Variants in SH3BP1 observed in about 807,000 individuals in gnomAD.
The protein encoded by SH3BP1 is SH3 domain binding protein 1, also known as SH3 domain-binding protein 1.
Under a neutral mutation model 69.8 loss-of-function variants are expected in SH3BP1, and 46 were observed. The observed-to-expected ratio is 0.66, with a 90% confidence interval of 0.52 to 0.84. The LOEUF is 0.84. SH3BP1 is among the 40% of genes least tolerant of loss of function. The pLI, the probability that SH3BP1 is intolerant of heterozygous loss-of-function variation, is 0.00. For missense variants in SH3BP1, 868 were observed against 930.9 expected (o/e 0.93, Z 0.88); for synonymous variants, 403 against 378.0 (o/e 1.07, Z -0.77).
intron 12 of SH3BP1, 29 bp downstream of exon 12, chr22:37,647,377 G>GGGA (rs761033919): frequency 1.1e-4 from 172 of 1,612,568 alleles, no homozygotes; most frequent in Non-Finnish European, 1.4e-4. Context: ...GGAGGGGATG[G>GGGA]GGAGGAGGAG....
Position 37,645,940 on chromosome 22 carries a change from G to A in SH3BP1, c.924+430G>A, listed in dbSNP as rs535123757. ...CTGCTCAGCAATCCTGCTGTGCTGG[G>A]GCCTCCTTTCTCCCTTACACTTTTT... On this transcript the variant is annotated intron_variant, in intron 10 of 17. Transcript: ENST00000649765. 4.0e-5 allele frequency among the ~76,000 whole-genome samples: 6 copies of A among 151,644 alleles called. No individual in the cohort carries two copies. In the South Asian group the frequency reaches 8.3e-4, roughly 21 times the overall value.
Position 37,655,784 on chromosome 22 carries a change from G to T in SH3BP1, c.*100G>T. On this transcript the variant is annotated 3_prime_UTR_variant, in exon 18 of 18. Transcript: ENST00000649765. ...CCCCACAAAGGGGCATGGGCCTCCA[G>T]CCTTTGCCCACAAGTGCCTCAGTGC... 7.6e-6 allele frequency: 11 copies of T among 1,448,372 alleles called. No individual in the cohort carries two copies. Among genetic ancestry groups the T allele is most frequent in the Non-Finnish European group, 9.0e-6 (10 of 1,106,516 alleles). 89.7% of individuals were successfully genotyped at this position (1,448,372 alleles called of 1,614,324 possible).
chr22:37,654,677 C>G (rs1456923444), intron 17 of SH3BP1, among the ~76,000 whole-genome samples: 1 of 152,100 alleles, frequency 6.6e-6, no homozygotes, highest in Non-Finnish European at 1.5e-5. Context: ...ACTCACCTGT[C>G]AGTTTGGCCC....
intron 2 of SH3BP1, 77 bp downstream of exon 2, chr22:37,641,245 C>T: frequency 6.6e-7 from 1 of 1,520,978 alleles, no homozygotes; most frequent in South Asian, 1.2e-5. Context: ...GGCGGGGACG[C>T]CAGGTAGGGG....
intron 16 of SH3BP1, among the ~76,000 whole-genome samples, chr22:37,652,325 A>T (rs1478933262): frequency 1.3e-5 from 2 of 151,796 alleles, no homozygotes; most frequent in Non-Finnish European, 2.9e-5. Context: ...AAAAAAAAAA[A>T]AGATCACTTG....
chr22:37,642,662 G>T, intron 4 of SH3BP1, 47 bp downstream of exon 4: 1 of 1,612,376 alleles, frequency 6.2e-7, no homozygotes, highest in South Asian at 1.1e-5. Context: ...ACCAAGACGT[G>T]ATCTCAGCTG....
In SH3BP1 at chr22:37,655,937, G is replaced by C. The variant is rs746284026; in HGVS notation, c.*253G>C. On this transcript the variant is annotated 3_prime_UTR_variant, in exon 18 of 18. Coordinates refer to ENST00000649765, the MANE Select transcript of SH3BP1 (RefSeq NM_018957.6). The stretch of plus-strand genomic sequence containing the variant: ...CCACTCTCCGGCAGGTCCTAGGGGA[G>C]CCACCGGAAGGAAGGAGAGGTTTGC... 1 of 1,565,630 alleles carries C rather than the reference G, an allele frequency of 6.4e-7. No homozygotes were observed. Among genetic ancestry groups the C allele is most frequent in the South Asian group, 1.1e-5 (1 of 89,168 alleles).
At chr22:37,646,973 G>A (rs1932796466) in intron 11 of SH3BP1, 44 bp downstream of exon 11, 1 of 1,324,358 alleles carries the variant, frequency 7.6e-7, no homozygotes, top group Non-Finnish European at 1.0e-6. Context: ...GGGGGGGAGG[G>A]GGTGCAGTGG....
chr22:37,641,172 C>T lies in SH3BP1; in HGVS notation c.102+4C>T, dbSNP rs979495019. On this transcript the variant is annotated splice_donor_region_variant and intron_variant, in intron 2 of 17. Coordinates refer to ENST00000649765, the MANE Select transcript of SH3BP1 (RefSeq NM_018957.6). ...CCTGGGTGAGGACCTGCTGCAGGTA[C>T]GTGCCTGGGCCGGGCAGGTGGGAAG... The T allele has an allele frequency of 1.4e-5, 22 of 1,542,488 alleles. No individual in the cohort carries two copies. The highest frequency in any genetic ancestry group is 4.2e-5 in the African/African-American group (3 of 71,930).
At chr22:37,648,702 T>A in intron 14 of SH3BP1, 1 of 150,152 alleles carries the variant, frequency 6.7e-6, no homozygotes, top group Non-Finnish European at 1.2e-5. Context: ...ATCGGGTTCT[T>A]TTTTTTTTTT....
In SH3BP1 at chr22:37,655,203, C is replaced by A. The variant is rs573712012; in HGVS notation, c.1694-69C>A. The A allele has an allele frequency of 1.8e-4, 211 of 1,182,156 alleles. No individual in the cohort carries two copies. The African/African-American group carries it at 2.7e-3, about 15-fold the overall frequency. 73.2% of individuals were successfully genotyped at this position (1,182,156 alleles called of 1,614,324 possible). A position where few individuals can be genotyped will look rare whatever the true frequency, so the allele number is the denominator to read the frequency against. On this transcript the variant is annotated intron_variant, in intron 17 of 17. Transcript: ENST00000649765. ...CAGATGCAAAGGTTGTGAGGGGGCA[C>A]GGAGCTTGGTGGATTCACCACAGGC...
chr22:37,653,155 C>A (rs1188269776), intron 16 of SH3BP1, among the ~76,000 whole-genome samples: 2 of 150,882 alleles, frequency 1.3e-5, no homozygotes, highest in Non-Finnish European at 3.0e-5. Context: ...CAAAAAAAAA[C>A]AAGCCTAGGT....
At chr22:37,653,921 GA>G in intron 17 of SH3BP1, 48 bp downstream of exon 17, 1 of 1,199,446 alleles carries the variant, frequency 8.3e-7, no homozygotes, top group Non-Finnish European at 1.2e-6. Flanking sequence ...TGGGCGGGGA[GA>G]GGGGACAGGC....
At chr22:37,639,895 G>T in intron 1 of SH3BP1, 49 bp downstream of exon 1, 1 of 1,459,192 alleles carries the variant, frequency 6.9e-7, no homozygotes, top group Non-Finnish European at 9.2e-7. Context: ...CAGGACTTGA[G>T]GGGTCGTAAA....
intron 6 of SH3BP1, 154 bp from the exon 7 acceptor site, chr22:37,643,490 C>A: frequency 9.1e-7 from 1 of 1,099,918 alleles, no homozygotes; most frequent in Non-Finnish European, 1.3e-6. Flanking sequence ...CCAGAGCACT[C>A]ATGGCCCAGC....
Position 37,656,089 on chromosome 22 carries a change from A to C in SH3BP1, c.*405A>C. On this transcript the variant is annotated 3_prime_UTR_variant, in exon 18 of 18. Transcript: ENST00000649765. ...TTTATTTTCTGTCCTTGAAATAAAGAAGCCAATTTTATAAAGGGGAAAACA... is the reference window on the plus strand; with the variant it reads ...TTTATTTTCTGTCCTTGAAATAAAGCAGCCAATTTTATAAAGGGGAAAACA... 1 of 1,290,454 alleles carries C rather than the reference A, an allele frequency of 7.7e-7. No homozygotes were observed. Among genetic ancestry groups the C allele is most frequent in the African/African-American group, 1.5e-5 (1 of 66,350 alleles). 79.9% of individuals were successfully genotyped at this position (1,290,454 alleles called of 1,614,324 possible). A position where few individuals can be genotyped will look rare whatever the true frequency, so the allele number is the denominator to read the frequency against.
chr22:37,652,451 TG>T (rs1465757364), intron 16 of SH3BP1, among the ~76,000 whole-genome samples: 1 of 152,180 alleles, frequency 6.6e-6, no homozygotes, highest in African/African-American at 2.4e-5. Flanking sequence ...GAGGATTTCT[TG>T]ACCCTAGGAG....
chr22:37,641,107 CCCCCA>C lies in SH3BP1; in HGVS notation c.60-16_60-12del. On this transcript the variant is annotated splice_polypyrimidine_tract_variant and intron_variant, in intron 1 of 17. Transcript: ENST00000649765. ...CTCAGCAGAAGCACTCTCCCCCCCC[CCCCCA>C]CCACTCCCCGCAGCACCCCGGAGAC... The C allele has an allele frequency of 1.5e-6, 2 of 1,363,256 alleles. No homozygotes were observed. The highest frequency in any genetic ancestry group is 1.5e-5 in the African/African-American group (1 of 67,856). 84.4% of individuals were successfully genotyped at this position (1,363,256 alleles called of 1,614,324 possible).
At chr22:37,648,649 G>A (rs1156651239) in intron 14 of SH3BP1, 2 of 536,122 alleles carry the variant, frequency 3.7e-6, no homozygotes, top group Non-Finnish European at 6.7e-6. Flanking sequence ...GCCAGTGGTG[G>A]TGATGAGGTG....
Sources: gnomAD v4.1 joint callset for allele counts (sites outside exome capture counted in the v4.1 genomes callset) on GRCh38, gnomAD v4.1.1 for gene constraint, MANE v1.5 for transcripts, NCBI Gene and HGNC (gene_info 2026-07-23, HGNC 2026-07-21) for gene names.